Variants in RSU1 observed in about 807,000 individuals in gnomAD.
RSU1 encodes the protein Ras suppressor protein 1.
A neutral mutation model predicts 31.1 loss-of-function variants in RSU1; 26 were observed. The observed-to-expected ratio is 0.84, with a 90% CI of 0.61 to 1.16. The LOEUF (loss-of-function observed/expected upper bound fraction) is 1.16, where lower values mean the gene tolerates loss of function less well. RSU1 is among the 50% of genes most tolerant of loss of function. RSU1 has a pLI of 0.00. For synonymous variants in RSU1, 164 were observed against 136.3 expected, an observed-to-expected ratio of 1.20 and a Z score of -1.41; for missense variants, 320 against 339.1, an observed-to-expected ratio of 0.94 and a Z score of 0.44.
chr10:16,725,900 G>A (rs1836383660), intron 7 of RSU1, among the ~76,000 whole-genome samples: 1 of 148,748 alleles, frequency 6.7e-6, no homozygotes, highest in South Asian at 2.2e-4. Flanking sequence ...AAAATTCTTG[G>A]CAATTAAATC....
intron 8 of RSU1, among the ~76,000 whole-genome samples, chr10:16,594,597 CATATATAATATCTA>C (rs1833575122): frequency 6.9e-6 from 1 of 144,506 alleles, no homozygotes; most frequent in Non-Finnish European, 1.5e-5. Flanking sequence ...ATATATATAT[CATATATAATATCTA>C]TTATATGATA....
At chr10:16,711,093 T>C (rs1836008119) in intron 7 of RSU1, among the ~76,000 whole-genome samples, 2 of 152,222 alleles carry the variant, frequency 1.3e-5, no homozygotes, top group Non-Finnish European at 2.9e-5. Context: ...GTCTCACTAG[T>C]TATTAGTCTG....
At chr10:16,687,974 C>T (rs1183486520) in intron 8 of RSU1, among the ~76,000 whole-genome samples, 3 of 152,088 alleles carry the variant, frequency 2.0e-5, no homozygotes, top group South Asian at 2.1e-4. Context: ...CCTCCTGCCT[C>T]GCCTTCCCAA....
chr10:16,785,435 T>TACACAC (rs1448168731), intron 2 of RSU1, among the ~76,000 whole-genome samples: 1 of 140,548 alleles, frequency 7.1e-6, no homozygotes, highest in Non-Finnish European at 1.5e-5. Flanking sequence ...TACATATATA[T>TACACAC]ATATACACAT....
intron 2 of RSU1, among the ~76,000 whole-genome samples, chr10:16,814,458 AAAAAAAAAAAG>A: frequency 6.9e-6 from 1 of 144,914 alleles, no homozygotes; most frequent in Non-Finnish European, 1.5e-5. Flanking sequence ...CAGGAAAAAA[AAAAAAAAAAAG>A]AAAAAAAAAT....
chr10:16,803,251 C>T (rs1838195040), intron 2 of RSU1, among the ~76,000 whole-genome samples: 1 of 152,052 alleles, frequency 6.6e-6, no homozygotes, highest in Non-Finnish European at 1.5e-5. Flanking sequence ...AAAAACACAC[C>T]ATTTACATTA....
At chr10:16,680,308 T>G (rs889489983) in intron 8 of RSU1, among the ~76,000 whole-genome samples, 2 of 151,806 alleles carry the variant, frequency 1.3e-5, no homozygotes, top group African/African-American at 2.4e-5. Flanking sequence ...AGCCTGGACA[T>G]AAGAAAGGCA....
chr10:16,808,287 G>C (rs753453801), intron 2 of RSU1, among the ~76,000 whole-genome samples: 13 of 151,756 alleles, frequency 8.6e-5, no homozygotes, highest in Admixed American at 2.0e-4. Flanking sequence ...AGACCAGCCT[G>C]GTCAACATGG....
In RSU1 at chr10:16,728,381, T is replaced by A. The variant is rs910368075; in HGVS notation, c.598+24158A>T. On this transcript the variant is annotated intron_variant, in intron 7 of 8. Transcript: ENST00000345264. Reference sequence around the variant, plus strand: ...ATGAAGAATAAAAATCAGTCACATATACACCTACACCCTTCATCATACCCA... The same window carrying A: ...ATGAAGAATAAAAATCAGTCACATAAACACCTACACCCTTCATCATACCCA... 2.0e-5 allele frequency among the ~76,000 whole-genome samples: 3 copies of A among 152,118 alleles called. No individual in the cohort carries two copies. In the East Asian group the frequency reaches 5.8e-4, roughly 29 times the overall value.
At chr10:16,659,873 T>C (rs1226607193) in intron 8 of RSU1, among the ~76,000 whole-genome samples, 1 of 152,248 alleles carries the variant, frequency 6.6e-6, no homozygotes, top group African/African-American at 2.4e-5. Context: ...TAGTGCTGCT[T>C]GGTATACAAA....
chr10:16,624,584 G>A lies in RSU1; in HGVS notation c.732-31088C>T, dbSNP rs113945885. ...ACTAGCTCACTACTGCAACCCCAGA[G>A]CAGGAAGGGCACCAGTGTAGTTTGA... On this transcript the variant is annotated intron_variant, in intron 8 of 8. Coordinates refer to ENST00000345264, the MANE Select transcript of RSU1 (RefSeq NM_012425.4). Among the ~76,000 whole-genome samples, 39 of 152,232 alleles carry A rather than the reference G, an allele frequency of 2.6e-4. 1 individual carries two copies. In the Middle Eastern group the frequency reaches 0.01, roughly 40 times the overall value.
At chr10:16,763,081 G>T (rs1312006139) in intron 4 of RSU1, among the ~76,000 whole-genome samples, 1 of 151,982 alleles carries the variant, frequency 6.6e-6, no homozygotes, top group East Asian at 1.9e-4. Flanking sequence ...AACTTAACTA[G>T]AGCATTTAGT....
At chr10:16,767,065 C>G (rs1837327984) in intron 3 of RSU1, among the ~76,000 whole-genome samples, 2 of 151,672 alleles carry the variant, frequency 1.3e-5, no homozygotes, top group Admixed American at 6.6e-5. Flanking sequence ...GCTGTGCCTT[C>G]TGGGTCACTG....
chr10:16,650,456 T>C (rs1834661779), intron 8 of RSU1, among the ~76,000 whole-genome samples: 1 of 151,338 alleles, frequency 6.6e-6, no homozygotes, highest in Non-Finnish European at 1.5e-5. Context: ...AAGACAATGA[T>C]AAAGGCATCT....
chr10:16,801,363 A>G (rs903726648), intron 2 of RSU1, among the ~76,000 whole-genome samples: 1 of 152,208 alleles, frequency 6.6e-6, no homozygotes, highest in African/African-American at 2.4e-5. Context: ...ATGTGAATGT[A>G]TCTAACAACA....
rs796946983 is a variant in RSU1, at chr10:16,718,982, C to CAA, written c.599-23829_599-23828dup. On this transcript the variant is annotated intron_variant, in intron 7 of 8. Coordinates refer to ENST00000345264, the MANE Select transcript of RSU1 (RefSeq NM_012425.4). ...GGCAACAGAGAGTGAAACTTCATCT[C>CAA]AAAAAAAAAAAAAAAAAATTATGTT... 2.3e-3 allele frequency among the ~76,000 whole-genome samples: 258 copies of CAA among 111,578 alleles called. 3 individuals are homozygous for CAA. The highest frequency in any genetic ancestry group is 9.6e-3 in the Middle Eastern group (2 of 208). 73.2% of individuals were successfully genotyped at this position (111,578 alleles called of 152,430 possible). A position where few individuals can be genotyped will look rare whatever the true frequency, so the allele number is the denominator to read the frequency against.
At position 16,697,987 on chromosome 10, in the gene RSU1, CTTTTTTTTTTTTTT is replaced by C. The variant is rs67816326; in HGVS notation, c.599-2846_599-2833del. 2.9e-3 allele frequency among the ~76,000 whole-genome samples: 287 copies of C among 99,594 alleles called. 2 individuals are homozygous for C. Among genetic ancestry groups the C allele is most frequent in the African/African-American group, 0.013 (270 of 20,292 alleles). 65.3% of individuals were successfully genotyped at this position (99,594 alleles called of 152,430 possible). On this transcript the variant is annotated intron_variant, in intron 7 of 8. Coordinates refer to ENST00000345264, the MANE Select transcript of RSU1 (RefSeq NM_012425.4). ...CAGAGGGGTGATTGCAGGAACACAC[CTTTTTTTTTTTTTT>C]TTTTTTTTTTTTTTTTTTACTTTGG...
At chr10:16,665,257 C>G (rs1482597849) in intron 8 of RSU1, among the ~76,000 whole-genome samples, 4 of 152,002 alleles carry the variant, frequency 2.6e-5, no homozygotes, top group African/African-American at 9.7e-5. Flanking sequence ...GTTCTAAGTG[C>G]TCTTATATGC....
intron 5 of RSU1, among the ~76,000 whole-genome samples, chr10:16,753,642 G>A (rs552433431): frequency 6.6e-6 from 1 of 152,182 alleles, no homozygotes; most frequent in African/African-American, 2.4e-5. Flanking sequence ...AATATCAGTA[G>A]TCAGAAATTT....
Sources: allele counts gnomAD v4.1 joint callset (sites outside exome capture counted in the v4.1 genomes callset), GRCh38; gene constraint gnomAD v4.1.1; transcripts MANE v1.5; gene names NCBI Gene and HGNC (gene_info 2026-07-23, HGNC 2026-07-21).